SNRPN: variants seen among roughly 807,000 people sequenced by gnomAD.
SNRPN encodes small nuclear ribonucleoprotein polypeptide N.
Under a neutral mutation model 25.2 loss-of-function variants are expected in SNRPN, and 7 were observed. The ratio of observed to expected loss-of-function variants is 0.28; its 90% CI spans 0.16 to 0.52. The LOEUF (loss-of-function observed/expected upper bound fraction) is 0.52, where lower values mean the gene tolerates loss of function less well. Among genes scored for constraint, SNRPN ranks in the 20% least tolerant of loss-of-function variants. SNRPN has a pLI of 0.96. For missense variants in SNRPN, 196 were observed against 322.5 expected (o/e 0.61, Z 3.00); for synonymous variants, 124 against 110.6 (o/e 1.12, Z -0.76).
Position 24,976,319 on chromosome 15 carries a change from A to G in SNRPN, c.170A>G (p.Lys57Arg). 6.2e-7 allele frequency: 1 copy of G among 1,613,748 alleles called. No individual in the cohort carries two copies. The highest frequency in any genetic ancestry group is 8.5e-7 in the Non-Finnish European group (1 of 1,179,902). ...EFRKIKPKNA[K>R]QPEREEKRVL... ...CTGATTTGTAGGCCAAAGAATGCGA[A>G]GCAACCAGAGCGTGAAGAAAAGCGG... Residue 57 changes from lysine (K) to arginine (R), a missense_variant, in exon 6 of 10, where the codon AAG becomes AGG. Transcript: ENST00000390687.
chr15:24,962,635 A>G (rs1239137045), intron 2 of SNRPN, among the ~76,000 whole-genome samples: 1 of 152,116 alleles, frequency 6.6e-6, no homozygotes, highest in Non-Finnish European at 1.5e-5. Flanking sequence ...TTTAAAATAC[A>G]TTTGTGTTTT....
chr15:24,899,009 A>C (rs535970946), intron 2 of SNRPN, among the ~76,000 whole-genome samples: 206 of 152,318 alleles, frequency 1.4e-3, no homozygotes, highest in Non-Finnish European at 2.7e-3. Flanking sequence ...TTTTCTTTGA[A>C]ACATATGGCT....
rs533745682 is a variant in SNRPN, at chr15:24,884,234, T to C, written c.-578-2282T>C. On this transcript the variant is annotated intron_variant, in intron 1 of 11. Transcript: ENST00000400097. The stretch of plus-strand genomic sequence containing the variant: ...CTGTGGTCCCAACTACTTGAAAGGT[T>C]GAGGTGGGAGGATCGCTTGAGCCCA... Among the ~76,000 whole-genome samples the C allele has an allele frequency of 3.8e-4, 58 of 151,236 alleles. No homozygotes were observed. The South Asian group carries it at 5.7e-3, about 15-fold the overall frequency.
chr15:24,932,766 C>T (rs1386361062), intron 3 of SNRPN, among the ~76,000 whole-genome samples: 1 of 152,068 alleles, frequency 6.6e-6, no homozygotes, highest in Non-Finnish European at 1.5e-5. Flanking sequence ...TCTCTTGCCT[C>T]AGCCTCCAAA....
At chr15:24,927,906 C>G (rs890646434) in intron 3 of SNRPN, among the ~76,000 whole-genome samples, 24 of 152,170 alleles carry the variant, frequency 1.6e-4, no homozygotes, top group Admixed American at 1.6e-3. Flanking sequence ...CTGGATTCTA[C>G]TGATGCTGTT....
chr15:24,923,887 G>A (rs1388591689), intron 3 of SNRPN, among the ~76,000 whole-genome samples: 14 of 111,496 alleles, frequency 1.3e-4, no homozygotes, highest in South Asian at 6.4e-4. Context: ...GTGTATGTGT[G>A]TGTGTGTGTG....
At chr15:24,937,526 A>T (rs1362931147) in intron 3 of SNRPN, among the ~76,000 whole-genome samples, 1 of 151,996 alleles carries the variant, frequency 6.6e-6, no homozygotes, top group Non-Finnish European at 1.5e-5. Context: ...GTCTCTAAAA[A>T]TTTTTTTAAT....
At chr15:24,872,747 G>GA (rs755883505) in intron 1 of SNRPN, among the ~76,000 whole-genome samples, 825 of 31,390 alleles carry the variant, frequency 0.026, 73 homozygotes, top group Non-Finnish European at 0.031. Context: ...ACTCCGTCTC[G>GA]AAAAAAAAAA....
intron 2 of SNRPN, among the ~76,000 whole-genome samples, chr15:24,887,668 A>G (rs995956196): frequency 1.3e-5 from 2 of 152,164 alleles, no homozygotes; most frequent in African/African-American, 2.4e-5. Flanking sequence ...AAATTAAACT[A>G]TAGGTGGAAT....
chr15:24,846,274 A>G (rs1297181124), intron 2 of SNRPN, among the ~76,000 whole-genome samples: 1 of 152,196 alleles, frequency 6.6e-6, no homozygotes, highest in South Asian at 2.1e-4. Flanking sequence ...TATAAAATAC[A>G]TTTTAACTTC....
intron 2 of SNRPN, among the ~76,000 whole-genome samples, chr15:24,967,465 C>A (rs1405870860): frequency 6.6e-6 from 1 of 151,904 alleles, no homozygotes; most frequent in Non-Finnish European, 1.5e-5. Context: ...CATGGTGAAA[C>A]CCCATCTCTA....
intron 2 of SNRPN, among the ~76,000 whole-genome samples, chr15:24,915,968 C>CTT (rs35835568): frequency 0.1 from 10,225 of 97,440 alleles, 900 homozygotes; most frequent in South Asian, 0.16. Flanking sequence ...GCCAGGTTGA[C>CTT]TTTTTTTTTT....
upstream of SNRPN, chr15:24,851,898 A>T (rs1269581340): frequency 2.6e-5 from 4 of 152,146 alleles, no homozygotes; most frequent in African/African-American, 9.7e-5. Context: ...CCCACCCTGA[A>T]TGCAGGTTCC....
intron 3 of SNRPN, among the ~76,000 whole-genome samples, chr15:24,926,996 G>C (rs2152750189): frequency 1.3e-5 from 2 of 152,220 alleles, no homozygotes; most frequent in South Asian, 4.1e-4. Context: ...GGGTGACAGA[G>C]TGAGACCCTG....
intron 3 of SNRPN, chr15:24,920,267 C>T (rs1026344330): frequency 6.6e-6 from 1 of 152,136 alleles, no homozygotes; most frequent in African/African-American, 2.4e-5. Context: ...GTTGCTCAAG[C>T]CGTGTTCATT....
intron 2 of SNRPN, among the ~76,000 whole-genome samples, chr15:24,899,626 CA>C (rs1422169891): frequency 6.6e-6 from 1 of 152,184 alleles, no homozygotes; most frequent in Non-Finnish European, 1.5e-5. Context: ...CACTAGTGGT[CA>C]GCCACTTCCT....
chr15:24,828,202 T>G (rs1484345132), intron 1 of SNRPN, among the ~76,000 whole-genome samples: 1 of 152,158 alleles, frequency 6.6e-6, no homozygotes, highest in African/African-American at 2.4e-5. Context: ...GAGAAATGAA[T>G]GTGTTCACGT....
At chr15:24,825,700 C>T (rs1982981) in intron 1 of SNRPN, among the ~76,000 whole-genome samples, 36,014 of 152,004 alleles carry the variant, frequency 0.24, 4,832 homozygotes, top group Non-Finnish European at 0.29. Flanking sequence ...TATTTGCCTA[C>T]ATTTGTACAA....
upstream of SNRPN, among the ~76,000 whole-genome samples, chr15:24,950,538 T>C (rs2062179061): frequency 1.4e-5 from 2 of 147,812 alleles, no homozygotes; most frequent in South Asian, 2.1e-4. Flanking sequence ...AGATATGTTC[T>C]CATTTCTTTT....
Sources: gnomAD v4.1 joint callset for allele counts (sites outside exome capture counted in the v4.1 genomes callset) on GRCh38, gnomAD v4.1.1 for gene constraint, MANE v1.5 for transcripts, NCBI Gene and HGNC (gene_info 2026-07-23, HGNC 2026-07-21) for gene names.